The following SGPP2 variants were observed in gnomAD, a reference collection of about 807,000 sequenced individuals.
The protein encoded by SGPP2 is sphingosine 1-phosphate phosphohydrolase 2.
In SGPP2, 30 loss-of-function variants were observed where a neutral mutation model predicts 33.9. That is an observed-to-expected ratio of 0.89 (90% confidence interval 0.66 to 1.20). The LOEUF is 1.20. Ranked by LOEUF, SGPP2 falls within the 50% of genes most tolerant of loss-of-function variation. The probability of loss-of-function intolerance (pLI) is 0.00; values close to 1 mark genes in which losing one functional copy is unlikely to be tolerated. For missense variants in SGPP2, 458 were observed against 532.1 expected (o/e 0.86, Z 1.37); for synonymous variants, 233 against 225.0 (o/e 1.04, Z -0.32).
chr2:222,434,973 T>TACACACAC (rs1205339986), intron 1 of SGPP2, among the ~76,000 whole-genome samples: 27 of 17,924 alleles, frequency 1.5e-3, no homozygotes, highest in East Asian at 0.013. Context: ...AATGGAGATA[T>TACACACAC]ATACACACAC....
chr2:222,430,572 G>T (rs1470644681), intron 1 of SGPP2, among the ~76,000 whole-genome samples: 4 of 152,144 alleles, frequency 2.6e-5, no homozygotes, highest in African/African-American at 4.8e-5. Flanking sequence ...TCCTGCCTTG[G>T]CCTCCCAAAG....
rs16863761 is a variant in SGPP2 at position 222,484,780 on chromosome 2, G to C, written c.378+10054G>C. On this transcript the variant is annotated intron_variant, in intron 2 of 4. Transcript: ENST00000321276. The stretch of plus-strand genomic sequence containing the variant: ...ATAGAGGCTTCTTTACAAAGGCACT[G>C]TTCCAGACTAGATTTTGTTCCAGGT... Among the ~76,000 whole-genome samples, 434 of 152,310 alleles carry C rather than the reference G, an allele frequency of 2.8e-3. 3 individuals are homozygous for C. Among genetic ancestry groups the C allele is most frequent in the African/African-American group, 9.6e-3 (398 of 41,576 alleles).
intron 4 of SGPP2, among the ~76,000 whole-genome samples, chr2:222,549,459 T>C (rs1342823234): frequency 6.6e-6 from 1 of 152,274 alleles, no homozygotes; most frequent in African/African-American, 2.4e-5. Flanking sequence ...GGAGTGTTTC[T>C]GTTTGGCTAA....
chr2:222,428,411 G>A (rs1697103426), intron 1 of SGPP2, among the ~76,000 whole-genome samples: 1 of 152,212 alleles, frequency 6.6e-6, no homozygotes, highest in African/African-American at 2.4e-5. Flanking sequence ...ACTCAATACA[G>A]TTGTATTTAG....
At chr2:222,438,623 T>C (rs1697280129) in intron 1 of SGPP2, among the ~76,000 whole-genome samples, 1 of 152,214 alleles carries the variant, frequency 6.6e-6, no homozygotes, top group Non-Finnish European at 1.5e-5. Context: ...GCTCAAGCAA[T>C]GAAACCATGT....
At chr2:222,479,559 C>A (rs773957910) in intron 2 of SGPP2, among the ~76,000 whole-genome samples, 1 of 151,710 alleles carries the variant, frequency 6.6e-6, no homozygotes, top group Admixed American at 6.6e-5. Context: ...CCCACCCCCA[C>A]GCCCGGCTAA....
At chr2:222,484,250 C>G (rs1346987517) in intron 2 of SGPP2, among the ~76,000 whole-genome samples, 3 of 152,126 alleles carry the variant, frequency 2.0e-5, no homozygotes, top group African/African-American at 7.2e-5. Context: ...TCACATTCTT[C>G]CGTCCCTCTC....
chr2:222,521,909 C>T lies in SGPP2; in HGVS notation c.521C>T (p.Ala174Val). The change falls in exon 3 of 5, where the codon GCC becomes GTC. Residue 174 changes from alanine to valine, a missense_variant. Transcript: ENST00000321276. ...CACGCCATGGCGGCCACTGCCATTG[C>T]CTTCACCCTCCTTATCTCTACTATG... ...STHAMAATAI[A>V]FTLLISTMDR... 1 of 1,604,192 alleles carries T rather than the reference C, an allele frequency of 6.2e-7. No homozygotes were observed. Among genetic ancestry groups the T allele is most frequent in the South Asian group, 1.1e-5 (1 of 88,886 alleles).
intron 4 of SGPP2, among the ~76,000 whole-genome samples, chr2:222,535,760 T>G (rs1464412521): frequency 6.6e-6 from 1 of 152,180 alleles, no homozygotes; most frequent in Non-Finnish European, 1.5e-5. Flanking sequence ...AACTGACAAT[T>G]AGCCTGACTG....
intron 4 of SGPP2, among the ~76,000 whole-genome samples, chr2:222,527,103 C>T (rs1315940464): frequency 6.6e-6 from 1 of 152,204 alleles, no homozygotes; most frequent in Non-Finnish European, 1.5e-5. Flanking sequence ...AATAGAAACA[C>T]AGCTACAGCT....
chr2:222,547,588 A>G (rs1229265570), intron 4 of SGPP2, among the ~76,000 whole-genome samples: 1 of 152,236 alleles, frequency 6.6e-6, no homozygotes, highest in African/African-American at 2.4e-5. Flanking sequence ...TATTGATATT[A>G]TACAAAGTAT....
chr2:222,444,647 CT>C (rs1475411882), intron 1 of SGPP2, among the ~76,000 whole-genome samples: 1 of 152,164 alleles, frequency 6.6e-6, no homozygotes, highest in Non-Finnish European at 1.5e-5. Context: ...AACAAGATCT[CT>C]TTTTCTCAGA....
rs1318996696 is a variant in SGPP2, at chr2:222,550,444, T to C, written c.649-7903T>C. On this transcript the variant is annotated intron_variant, in intron 4 of 4. Transcript: ENST00000321276. This position sits in a 1 kb window ranked among gnomAD's most constrained non-coding sequence, Gnocchi z 4.5. ...GAGAAGATAATAGTCATCTGTAATG[T>C]CACAACACAGAGAATAAATTACTCT... 5.3e-5 allele frequency among the ~76,000 whole-genome samples: 8 copies of C among 152,198 alleles called. No individual in the cohort carries two copies. In the South Asian group the frequency reaches 1.2e-3, roughly 24 times the overall value.
rs72410664 is a variant in SGPP2, at chr2:222,541,594, TTTTATTTATTTA to T, written c.648+16585_648+16596del. ...TTTTTGGTTCAAAATAAGAAAACTA[TTTTATTTATTTA>T]TTTATTTATTTATTTATTTATTTTT... On this transcript the variant is annotated intron_variant, in intron 4 of 4. Transcript: ENST00000321276. 1.0e-3 allele frequency among the ~76,000 whole-genome samples: 158 copies of T among 150,712 alleles called. 1 individual carries two copies. Among genetic ancestry groups the T allele is most frequent in the African/African-American group, 2.8e-3 (115 of 41,152 alleles).
intron 1 of SGPP2, among the ~76,000 whole-genome samples, chr2:222,472,936 C>G (rs866309968): frequency 6.6e-6 from 1 of 152,132 alleles, no homozygotes; most frequent in South Asian, 2.1e-4. Flanking sequence ...ATCGCTTGAA[C>G]CTGGGAGGCA....
Position 222,424,780 on chromosome 2 carries a change from G to T in SGPP2, c.178G>T (p.Glu60Ter), listed in dbSNP as rs1421919158. The T allele has an allele frequency of 1.0e-5, 14 of 1,398,688 alleles. No individual in the cohort carries two copies. Among genetic ancestry groups the T allele is most frequent in the South Asian group, 1.5e-5 (1 of 65,420 alleles). 86.6% of individuals were successfully genotyped at this position (1,398,688 alleles called of 1,614,324 possible). ...HLPAANGKGG[E>*]APANGLRRAA... The stretch of plus-strand genomic sequence containing the variant: ...CCCCGCAGCCAACGGCAAGGGCGGC[G>T]AGGCTCCGGCCAACGGGCTGCGCAG... Residue 60 changes from glutamate (E) to a stop codon, truncating the protein, a stop_gained, in exon 1 of 5, where the codon GAG (glutamate) becomes TAG (stop). Transcript: ENST00000321276. LOFTEE classifies it high-confidence loss of function.
At chr2:222,536,680 CA>C (rs557467053) in intron 4 of SGPP2, among the ~76,000 whole-genome samples, 6 of 149,856 alleles carry the variant, frequency 4.0e-5, no homozygotes, top group Non-Finnish European at 8.9e-5. Context: ...ACTCTGTCTC[CA>C]AAAAAAATAA....
chr2:222,518,812 G>C (rs571341954), intron 2 of SGPP2, among the ~76,000 whole-genome samples: 3 of 152,326 alleles, frequency 2.0e-5, no homozygotes, highest in African/African-American at 7.2e-5. Context: ...TTGGCCTGCT[G>C]TGCACAGGGA....
intron 4 of SGPP2, among the ~76,000 whole-genome samples, chr2:222,540,378 G>T (rs1310195209): frequency 6.6e-6 from 1 of 152,152 alleles, no homozygotes; most frequent in Non-Finnish European, 1.5e-5. Flanking sequence ...TGGATTTTGG[G>T]CATTTCAAAT....
Sources: allele counts gnomAD v4.1 joint callset (sites outside exome capture counted in the v4.1 genomes callset), GRCh38; gene constraint gnomAD v4.1.1; non-coding constraint Gnocchi (gnomAD v3.1); transcripts MANE v1.5; gene names NCBI Gene and HGNC (gene_info 2026-07-23, HGNC 2026-07-21).